Variants in DACH1 observed in about 807,000 individuals in gnomAD.
DACH1 encodes the protein dachshund homolog 1.
A neutral mutation model predicts 54.2 loss-of-function variants in DACH1; 12 were observed. That is an observed-to-expected ratio of 0.22 (90% CI 0.14 to 0.36). DACH1 has a LOEUF of 0.36. Among genes scored for constraint, DACH1 ranks in the 10% least tolerant of loss-of-function variants. The pLI, the probability that DACH1 is intolerant of heterozygous loss-of-function variation, is 1.00. For missense variants in DACH1, 805 were observed against 929.8 expected (o/e 0.87, Z 1.75); for synonymous variants, 386 against 366.2 (o/e 1.05, Z -0.62).
At chr13:71,560,452 C>CA (rs1179108616) in intron 4 of DACH1, among the ~76,000 whole-genome samples, 1 of 152,074 alleles carries the variant, frequency 6.6e-6, no homozygotes, top group African/African-American at 2.4e-5. Context: ...TGGACATACT[C>CA]AGTCACATTT....
chr13:71,620,705 T>A (rs966437467), intron 3 of DACH1, among the ~76,000 whole-genome samples: 1 of 152,026 alleles, frequency 6.6e-6, no homozygotes. Context: ...TTAAGTTAAA[T>A]ATGCTTTCTG....
chr13:71,616,527 G>A (rs1039805907), intron 3 of DACH1, among the ~76,000 whole-genome samples: 5 of 152,202 alleles, frequency 3.3e-5, no homozygotes, highest in South Asian at 2.1e-4. Context: ...GGGGAGGATC[G>A]TTTGAGGCCA....
In DACH1 at chr13:71,675,017, G is replaced by A. The variant is rs546908938; in HGVS notation, c.964+6778C>T. 63 of 623,208 alleles carry A rather than the reference G, an allele frequency of 1.0e-4. 1 individual carries two copies. The Middle Eastern group carries it at 7.4e-3, about 73-fold the overall frequency. 38.6% of individuals were successfully genotyped at this position (623,208 alleles called of 1,614,324 possible). A position where few individuals can be genotyped will look rare whatever the true frequency, so the allele number is the denominator to read the frequency against. ...ACGCCAGCGCCGCCTCTCGCTCGCC[G>A]AGCTCCAGCCGAAGAGAAGGGGGGT... On this transcript the variant is annotated intron_variant, in intron 2 of 10. Transcript: ENST00000613252.
At chr13:71,779,935 C>A (rs1886297239) in intron 1 of DACH1, among the ~76,000 whole-genome samples, 1 of 152,048 alleles carries the variant, frequency 6.6e-6, no homozygotes, top group Admixed American at 6.6e-5. Flanking sequence ...TTTATTAAAT[C>A]TCTGGAAACC....
chr13:71,755,583 T>C (rs572094570), intron 1 of DACH1, among the ~76,000 whole-genome samples: 1 of 152,324 alleles, frequency 6.6e-6, no homozygotes, highest in Non-Finnish European at 1.5e-5. Context: ...GTTCCAGGGC[T>C]ACTAAGTAGC....
intron 1 of DACH1, among the ~76,000 whole-genome samples, chr13:71,837,735 A>G (rs543414158): frequency 6.8e-6 from 1 of 146,286 alleles, no homozygotes; most frequent in South Asian, 2.2e-4. Flanking sequence ...TTATTGCGGC[A>G]TTATTCACAA....
chr13:71,461,011 G>A (rs1483577148), intron 10 of DACH1, among the ~76,000 whole-genome samples: 2 of 151,834 alleles, frequency 1.3e-5, no homozygotes, highest in Non-Finnish European at 2.9e-5. Flanking sequence ...CATTAACCAG[G>A]CTAGGTCCTG....
At chr13:71,843,252 G>A (rs1873002661) in intron 1 of DACH1, among the ~76,000 whole-genome samples, 1 of 151,870 alleles carries the variant, frequency 6.6e-6, no homozygotes, top group Non-Finnish European at 1.5e-5. Context: ...ATTTTTAAAT[G>A]TACTGAATGT....
intron 2 of DACH1, among the ~76,000 whole-genome samples, chr13:71,681,026 G>A (rs1276078153): frequency 1.3e-5 from 2 of 151,568 alleles, no homozygotes; most frequent in African/African-American, 2.4e-5. Context: ...ATATGATAAA[G>A]AAAAAACATT....
chr13:71,654,762 C>A (rs1051982947), intron 2 of DACH1, among the ~76,000 whole-genome samples: 1 of 152,004 alleles, frequency 6.6e-6, no homozygotes, highest in Non-Finnish European at 1.5e-5. Context: ...CATTATGTCA[C>A]CAAATGATCT....
chr13:71,485,684 G>A (rs1203612443), intron 7 of DACH1, among the ~76,000 whole-genome samples: 1 of 145,688 alleles, frequency 6.9e-6, no homozygotes, highest in Non-Finnish European at 1.5e-5. Context: ...CCGGGTTCAA[G>A]TGATTCTCCA....
chr13:71,866,238 G>A lies in DACH1; in HGVS notation c.532C>T (p.Pro178Ser). The change falls in exon 1 of 11, where the codon CCA becomes TCA. Residue 178 changes from proline (P) to serine (S), a missense_variant. Physicochemically the swap from Pro to Ser is moderately conservative, Grantham distance 74. This residue lies in a region of DACH1 where 305 missense variants were observed against 308.7 expected (regional missense o/e 0.99). Coordinates refer to ENST00000613252, the MANE Select transcript of DACH1 (RefSeq NM_080759.6). ...TTATTCTGAGGGGTGTTTTCCACTG[G>A]GGACGGGGTTGAGTACACGGGTTTC... ...PGKPVYSTPS[P>S]VENTPQNNEC... The A allele has an allele frequency of 1.2e-6, 2 of 1,612,008 alleles. No individual in the cohort carries two copies. Among genetic ancestry groups the A allele is most frequent in the Non-Finnish European group, 1.7e-6 (2 of 1,179,062 alleles).
chr13:71,601,138 A>G (rs1043408044), intron 3 of DACH1, among the ~76,000 whole-genome samples: 1 of 152,070 alleles, frequency 6.6e-6, no homozygotes, highest in Non-Finnish European at 1.5e-5. Context: ...CGAATAACGC[A>G]GTGTTCTTTG....
At chr13:71,501,288 G>T (rs1879891662) in intron 6 of DACH1, among the ~76,000 whole-genome samples, 1 of 152,110 alleles carries the variant, frequency 6.6e-6, no homozygotes, top group Non-Finnish European at 1.5e-5. Context: ...TGTTAGCAGT[G>T]CTTGGTTTTT....
chr13:71,817,038 C>T (rs1043423662), intron 1 of DACH1, among the ~76,000 whole-genome samples: 7 of 152,018 alleles, frequency 4.6e-5, no homozygotes, highest in South Asian at 2.1e-4. Context: ...AGGAAACCTA[C>T]GCTTGTACCC....
intron 2 of DACH1, among the ~76,000 whole-genome samples, chr13:71,676,438 G>A (rs1294784033): frequency 6.6e-6 from 1 of 152,066 alleles, no homozygotes; most frequent in African/African-American, 2.4e-5. Flanking sequence ...GGCTGGTCTC[G>A]AACTCCTGAC....
intron 3 of DACH1, among the ~76,000 whole-genome samples, chr13:71,629,666 A>G (rs1876937033): frequency 6.6e-6 from 1 of 152,152 alleles, no homozygotes; most frequent in Non-Finnish European, 1.5e-5. Context: ...TGCATGGAAA[A>G]GAGAATTTAA....
chr13:71,573,047 G>A (rs776869830), intron 3 of DACH1, 35 bp from the exon 4 acceptor site: 61 of 1,587,122 alleles, frequency 3.8e-5, no homozygotes, highest in Non-Finnish European at 5.1e-5. Context: ...CATTGCTCTG[G>A]AGGACATAAA....
At chr13:71,853,535 T>C (rs1285348366) in intron 1 of DACH1, among the ~76,000 whole-genome samples, 1 of 152,200 alleles carries the variant, frequency 6.6e-6, no homozygotes, top group African/African-American at 2.4e-5. Flanking sequence ...CACTGTTTAT[T>C]ATTAAAAAAT....
Sources: allele counts gnomAD v4.1 joint callset (sites outside exome capture counted in the v4.1 genomes callset), GRCh38; gene constraint gnomAD v4.1.1; regional missense constraint gnomAD v4.1.1; transcripts MANE v1.5; gene names NCBI Gene and HGNC (gene_info 2026-07-23, HGNC 2026-07-21).